Variants in PDE4B observed in about 807,000 individuals in gnomAD.
PDE4B encodes the protein phosphodiesterase 4B, also known as 3',5'-cyclic-AMP phosphodiesterase 4B.
In PDE4B, 20 loss-of-function variants were observed where a neutral mutation model predicts 82.2. That is an observed-to-expected ratio of 0.24 (90% CI 0.17 to 0.35). The LOEUF is 0.35. Ranked by LOEUF, PDE4B falls within the 10% of genes least tolerant of loss-of-function variation. The probability of loss-of-function intolerance (pLI) is 1.00; values close to 1 mark genes in which losing one functional copy is unlikely to be tolerated. For synonymous variants in PDE4B, 320 were observed against 318.9 expected (o/e 1.00, Z -0.04); for missense variants, 655 against 907.2 (o/e 0.72, Z 3.57).
At chr1:66,332,706 A>G in intron 8 of PDE4B, 86 bp downstream of exon 8, 1 of 1,023,880 alleles carries the variant, frequency 9.8e-7, no homozygotes, top group Middle Eastern at 2.3e-4. Context: ...AGAGTGCACC[A>G]GGGAATGCTA....
chr1:66,193,019 T>C (rs1647963617), intron 3 of PDE4B, among the ~76,000 whole-genome samples: 1 of 152,176 alleles, frequency 6.6e-6, no homozygotes, highest in East Asian at 1.9e-4. Flanking sequence ...TTAACAGTTA[T>C]GAAGAATTGC....
intron 1 of PDE4B, among the ~76,000 whole-genome samples, chr1:65,857,058 A>G (rs1646401715): frequency 6.6e-6 from 1 of 152,066 alleles, no homozygotes; most frequent in Non-Finnish European, 1.5e-5. Flanking sequence ...CATTACCATC[A>G]TGCTGGTGCC....
intron 3 of PDE4B, among the ~76,000 whole-genome samples, chr1:66,244,302 CT>C (rs2101666322): frequency 6.6e-6 from 1 of 152,102 alleles, no homozygotes; most frequent in African/African-American, 2.4e-5. Context: ...TCTCTATTGT[CT>C]ACGTTTTATA....
intron 3 of PDE4B, among the ~76,000 whole-genome samples, chr1:65,927,495 TTA>T (rs1438286572): frequency 2.9e-4 from 42 of 147,272 alleles, no homozygotes; most frequent in African/African-American, 8.4e-4. Flanking sequence ...ATAATATGTA[TTA>T]TATATATAAT....
chr1:65,952,185 C>T (rs536630641), intron 3 of PDE4B, among the ~76,000 whole-genome samples: 21 of 152,120 alleles, frequency 1.4e-4, no homozygotes, highest in East Asian at 3.9e-4. Context: ...TTGTGAGGCC[C>T]GCTAAAGTTT....
chr1:65,983,448 A>AC (rs1253016929), intron 3 of PDE4B, among the ~76,000 whole-genome samples: 1 of 152,146 alleles, frequency 6.6e-6, no homozygotes, highest in Non-Finnish European at 1.5e-5. Context: ...TGAAATTCTA[A>AC]CCCCCAGTAC....
chr1:65,824,610 T>C (rs1645992976), intron 1 of PDE4B, among the ~76,000 whole-genome samples: 1 of 147,048 alleles, frequency 6.8e-6, no homozygotes. Flanking sequence ...ATACTTCACC[T>C]ACATATATAT....
chr1:66,332,980 C>A (rs1279136121), intron 8 of PDE4B, among the ~76,000 whole-genome samples: 2 of 152,136 alleles, frequency 1.3e-5, no homozygotes, highest in Non-Finnish European at 2.9e-5. Context: ...CTGAGTTAGT[C>A]TTGTTGCATT....
At chr1:66,147,763 A>G (rs1285859199) in intron 3 of PDE4B, among the ~76,000 whole-genome samples, 1 of 152,226 alleles carries the variant, frequency 6.6e-6, no homozygotes, top group African/African-American at 2.4e-5. Flanking sequence ...TAAATCACTC[A>G]GGAAGAGAAA....
At chr1:66,304,082 A>C (rs1658098063) in intron 7 of PDE4B, among the ~76,000 whole-genome samples, 1 of 152,174 alleles carries the variant, frequency 6.6e-6, no homozygotes, top group Non-Finnish European at 1.5e-5. Context: ...CATTTAACCT[A>C]GTACCTACAT....
intron 3 of PDE4B, among the ~76,000 whole-genome samples, chr1:66,056,406 G>A (rs887933178): frequency 6.6e-6 from 1 of 152,058 alleles, no homozygotes; most frequent in Non-Finnish European, 1.5e-5. Context: ...GTGGAGGAAG[G>A]TGGCCAGGAG....
intron 3 of PDE4B, among the ~76,000 whole-genome samples, chr1:66,159,852 A>G (rs1383975698): frequency 6.6e-6 from 1 of 152,200 alleles, no homozygotes; most frequent in African/African-American, 2.4e-5. Context: ...TTGTGCACCT[A>G]CTGTGTGCCC....
At chr1:66,353,910 G>A (rs1662026669) in intron 8 of PDE4B, among the ~76,000 whole-genome samples, 1 of 152,114 alleles carries the variant, frequency 6.6e-6, no homozygotes, top group African/African-American at 2.4e-5. Context: ...ATCCTAGATG[G>A]AAAGGTTAAA....
At chr1:65,946,699 A>G (rs1429446146) in intron 3 of PDE4B, among the ~76,000 whole-genome samples, 1 of 151,968 alleles carries the variant, frequency 6.6e-6, no homozygotes, top group Non-Finnish European at 1.5e-5. Flanking sequence ...ACATTTTGCT[A>G]CTACAATTAA....
chr1:65,856,047 T>G (rs1646388979), intron 1 of PDE4B, among the ~76,000 whole-genome samples: 1 of 152,170 alleles, frequency 6.6e-6, no homozygotes. Flanking sequence ...AATTTATTAA[T>G]TTTTGATTGA....
chr1:66,324,246 G>A (rs1659598208), intron 7 of PDE4B, among the ~76,000 whole-genome samples: 1 of 152,100 alleles, frequency 6.6e-6, no homozygotes, highest in Admixed American at 6.6e-5. Context: ...TAGCAAAAAA[G>A]TTATGGAATT....
At position 66,247,594 on chromosome 1, in the gene PDE4B, A is replaced by G; in HGVS notation, c.416A>G (p.Asp139Gly). ...QRRESFLYRS[D>G]SDYDLSPKAM... ...AGAGAGTCATTTCTCTACAGATCAG[A>G]CAGCGACTATGACTTGTCACCAAAG... The change falls in exon 4 of 17, where the codon GAC becomes GGC. Residue 139 changes from aspartate (D) to glycine (G), a missense_variant. Asp to Gly is a moderately conservative substitution (Grantham distance 94). Coordinates refer to ENST00000341517, the MANE Select transcript of PDE4B (RefSeq NM_002600.4). The G allele has an allele frequency of 6.2e-7, 1 of 1,609,626 alleles. No homozygotes were observed. The highest frequency in any genetic ancestry group is 8.5e-7 in the Non-Finnish European group (1 of 1,177,780).
intron 3 of PDE4B, among the ~76,000 whole-genome samples, chr1:65,961,644 C>T (rs2100598340): frequency 6.6e-6 from 1 of 152,150 alleles, no homozygotes; most frequent in South Asian, 2.1e-4. Context: ...GGTGAGGCAA[C>T]GGTTTGTCTT....
chr1:65,951,055 G>A (rs1648966298), intron 3 of PDE4B, among the ~76,000 whole-genome samples: 1 of 151,964 alleles, frequency 6.6e-6, no homozygotes, highest in African/African-American at 2.4e-5. Flanking sequence ...GTTTAACAAG[G>A]GACCGTCACG....
Sources: gnomAD v4.1 joint callset for allele counts (sites outside exome capture counted in the v4.1 genomes callset) on GRCh38, gnomAD v4.1.1 for gene constraint, MANE v1.5 for transcripts, NCBI Gene and HGNC (gene_info 2026-07-23, HGNC 2026-07-21) for gene names.